SLC35F3: variants seen among roughly 807,000 people sequenced by gnomAD.
SLC35F3 encodes the protein putative thiamine transporter SLC35F3.
SLC35F3 carries 25 observed loss-of-function variants against 49.9 expected under a neutral mutation model. That is an observed-to-expected ratio of 0.50 (90% CI 0.37 to 0.70). SLC35F3 has a LOEUF of 0.70. Ranked by LOEUF, SLC35F3 falls within the 30% of genes least tolerant of loss-of-function variation. The pLI, the probability that SLC35F3 is intolerant of heterozygous loss-of-function variation, is 0.00. For synonymous variants in SLC35F3, 275 were observed against 265.4 expected (o/e 1.04, Z -0.35); for missense variants, 525 against 639.8 (o/e 0.82, Z 1.94).
intron 2 of SLC35F3, among the ~76,000 whole-genome samples, chr1:234,228,827 A>T (rs547612869): frequency 1.3e-5 from 2 of 152,324 alleles, no homozygotes; most frequent in South Asian, 2.1e-4. Context: ...GGGTGCTAAC[A>T]TCACTAAAAA....
intron 2 of SLC35F3, among the ~76,000 whole-genome samples, chr1:234,202,981 C>T (rs1039877454): frequency 6.6e-6 from 1 of 152,168 alleles, no homozygotes; most frequent in African/African-American, 2.4e-5. Flanking sequence ...CTCCCCAGCT[C>T]AGAGCTCTAG....
At chr1:234,041,711 T>A (rs1664223993) in intron 2 of SLC35F3, among the ~76,000 whole-genome samples, 1 of 152,158 alleles carries the variant, frequency 6.6e-6, no homozygotes, top group East Asian at 1.9e-4. Context: ...GCATCACAAC[T>A]TACTTGAAGG....
At chr1:234,012,103 G>C (rs1447382346) in intron 2 of SLC35F3, among the ~76,000 whole-genome samples, 1 of 152,190 alleles carries the variant, frequency 6.6e-6, no homozygotes, top group Admixed American at 6.5e-5. Flanking sequence ...TCATAATTAA[G>C]TTTAAGGGGA....
At chr1:234,190,675 A>G (rs958180794) in intron 2 of SLC35F3, among the ~76,000 whole-genome samples, 17 of 152,262 alleles carry the variant, frequency 1.1e-4, no homozygotes, top group Admixed American at 2.0e-4. Flanking sequence ...GAAAGTCAAC[A>G]AAGACATACT....
At chr1:234,155,480 G>A (rs1054793312) in intron 2 of SLC35F3, among the ~76,000 whole-genome samples, 21 of 151,710 alleles carry the variant, frequency 1.4e-4, no homozygotes, top group African/African-American at 5.1e-4. Context: ...CACAATCTTG[G>A]CTCACTGCAA....
At position 233,955,831 on chromosome 1, in the gene SLC35F3, G is replaced by A. The variant is rs527678063; in HGVS notation, c.283+50073G>A. On this transcript the variant is annotated intron_variant, in intron 2 of 7. Transcript: ENST00000366618. ...CCCAGGCTGGTCTTTGGTCAACTGT[G>A]TTTCCATTGTTGACCACAAGGGAGT... Among the ~76,000 whole-genome samples, 4 of 118,054 alleles carry A rather than the reference G, an allele frequency of 3.4e-5. No individual in the cohort carries two copies. The South Asian group carries it at 1.2e-3, about 35-fold the overall frequency. 77.4% of individuals were successfully genotyped at this position (118,054 alleles called of 152,430 possible).
At chr1:234,291,473 AT>A (rs915442504) in intron 3 of SLC35F3, among the ~76,000 whole-genome samples, 3 of 151,926 alleles carry the variant, frequency 2.0e-5, no homozygotes, top group Admixed American at 2.0e-4. Context: ...ACTAGAGGAT[AT>A]TTTTTTTAAG....
intron 3 of SLC35F3, among the ~76,000 whole-genome samples, chr1:234,237,050 AAATTCAGCTGAAGGCCAGATGGGAAGGAC>A (rs1341483639): frequency 6.7e-6 from 1 of 150,054 alleles, no homozygotes; most frequent in Non-Finnish European, 1.5e-5. Flanking sequence ...TTGGGACTCC[AAATTCAGCTGAAGGCCAGATGGGAAGGAC>A]TTGGGGTGCC....
chr1:234,024,183 T>A (rs1316588856), intron 2 of SLC35F3, among the ~76,000 whole-genome samples: 1 of 151,856 alleles, frequency 6.6e-6, no homozygotes, highest in African/African-American at 2.4e-5. Context: ...TCAATTTTTC[T>A]ATAAATCAAA....
At chr1:234,051,842 C>A (rs1383506893) in intron 2 of SLC35F3, among the ~76,000 whole-genome samples, 3 of 151,958 alleles carry the variant, frequency 2.0e-5, no homozygotes, top group Non-Finnish European at 2.9e-5. Flanking sequence ...GAGAGTTTTT[C>A]GCATGAAGCA....
Position 234,322,937 on chromosome 1 carries a change from G to A in SLC35F3, c.1238-71G>A, listed in dbSNP as rs187199959. On this transcript the variant is annotated intron_variant, in intron 7 of 7. Coordinates refer to ENST00000366618, the MANE Select transcript of SLC35F3 (RefSeq NM_173508.4). ...GCCAGACAGAGGAGGGTGCCCCCAG[G>A]CCCTGCCCACTCTCCAGGGACATGC... 17 of 1,312,090 alleles carry A rather than the reference G, an allele frequency of 1.3e-5. No homozygotes were observed. The East Asian group carries it at 3.3e-4, about 25-fold the overall frequency. 81.3% of individuals were successfully genotyped at this position (1,312,090 alleles called of 1,614,324 possible).
At chr1:234,203,816 T>C (rs1204187164) in intron 2 of SLC35F3, among the ~76,000 whole-genome samples, 1 of 152,206 alleles carries the variant, frequency 6.6e-6, no homozygotes, top group East Asian at 1.9e-4. Flanking sequence ...AACTCACTGT[T>C]GTTACTTATG....
chr1:234,111,273 A>G (rs1189591484), intron 2 of SLC35F3, among the ~76,000 whole-genome samples: 1 of 151,988 alleles, frequency 6.6e-6, no homozygotes, highest in Non-Finnish European at 1.5e-5. Flanking sequence ...TTGCTGGTGA[A>G]AAGGCCCCTG....
chr1:234,062,272 A>G (rs777164089), intron 2 of SLC35F3, among the ~76,000 whole-genome samples: 1 of 152,204 alleles, frequency 6.6e-6, no homozygotes, highest in Admixed American at 6.5e-5. Flanking sequence ...GGCCTTGGGT[A>G]TACCCTGAGT....
chr1:234,085,499 G>GATT (rs1308236684), intron 2 of SLC35F3, among the ~76,000 whole-genome samples: 2 of 152,176 alleles, frequency 1.3e-5, no homozygotes, highest in African/African-American at 4.8e-5. Flanking sequence ...TGTCTGAATG[G>GATT]ATTGGGATGT....
chr1:234,095,397 G>A (rs895530665), intron 2 of SLC35F3, among the ~76,000 whole-genome samples: 2 of 151,626 alleles, frequency 1.3e-5, no homozygotes, highest in Non-Finnish European at 3.0e-5. Flanking sequence ...GAACCATGAG[G>A]TTCTGGCTAA....
At chr1:234,076,807 C>A (rs1423283237) in intron 2 of SLC35F3, among the ~76,000 whole-genome samples, 2 of 152,004 alleles carry the variant, frequency 1.3e-5, no homozygotes, top group African/African-American at 4.8e-5. Flanking sequence ...CCTAGCAGTT[C>A]TCTTCTGTCG....
intron 2 of SLC35F3, among the ~76,000 whole-genome samples, chr1:233,958,663 C>G (rs1212909276): frequency 1.3e-5 from 2 of 152,178 alleles, no homozygotes; most frequent in Non-Finnish European, 1.5e-5. Flanking sequence ...TTTAAAATTA[C>G]AAAATGTAAG....
chr1:234,071,015 C>T (rs944288384), intron 2 of SLC35F3, among the ~76,000 whole-genome samples: 7 of 152,120 alleles, frequency 4.6e-5, no homozygotes, highest in Non-Finnish European at 8.8e-5. Flanking sequence ...TCCAGGCAGC[C>T]GACAGAGCCT....
Sources: gnomAD v4.1 joint callset for allele counts (sites outside exome capture counted in the v4.1 genomes callset) on GRCh38, gnomAD v4.1.1 for gene constraint, MANE v1.5 for transcripts, NCBI Gene and HGNC (gene_info 2026-07-23, HGNC 2026-07-21) for gene names.